TMEM171: variants seen among roughly 807,000 people sequenced by gnomAD.
The protein encoded by TMEM171 is transmembrane protein 171.
In TMEM171, 16 loss-of-function variants were observed where a neutral mutation model predicts 19.1. That is an observed-to-expected ratio of 0.84 (90% CI 0.57 to 1.27). The LOEUF is 1.27. TMEM171 is among the 50% of genes most tolerant of loss of function. The pLI is 0.00. For synonymous variants in TMEM171, 153 were observed against 163.4 expected (o/e 0.94, Z 0.48); for missense variants, 429 against 412.7 (o/e 1.04, Z -0.34).
In TMEM171 at chr5:73,127,885, C is replaced by T. The variant is rs148365161; in HGVS notation, c.641-505C>T. On this transcript the variant is annotated intron_variant, in intron 2 of 3. Coordinates refer to ENST00000454765, the MANE Select transcript of TMEM171 (RefSeq NM_173490.8). Reference sequence around the variant, plus strand: ...CCTTCCGAGTAGCTGGGACTGCAGGCGTGTACTCCCACATCTGGCTAAATT... The same window carrying T: ...CCTTCCGAGTAGCTGGGACTGCAGGTGTGTACTCCCACATCTGGCTAAATT... 1.0e-3 allele frequency among the ~76,000 whole-genome samples: 158 copies of T among 151,606 alleles called. 1 individual carries two copies. Among genetic ancestry groups the T allele is most frequent in the African/African-American group, 3.1e-3 (128 of 41,268 alleles).
At chr5:73,127,174 A>G (rs1453664566) in intron 2 of TMEM171, among the ~76,000 whole-genome samples, 2 of 151,930 alleles carry the variant, frequency 1.3e-5, no homozygotes, top group Non-Finnish European at 2.9e-5. Flanking sequence ...TAACTTGTGA[A>G]TTAAAGTTGT....
intron 2 of TMEM171, among the ~76,000 whole-genome samples, chr5:73,127,380 A>ATATATATATATATATATAT (rs1281485655): frequency 1.6e-4 from 10 of 61,468 alleles, no homozygotes; most frequent in African/African-American, 7.8e-4. Context: ...AAAAAAAAAA[A>ATATATATATATATATATAT]AAAAATATAT....
At chr5:73,131,224 AGTGTGT>A (rs56793908) in intron 3 of TMEM171, among the ~76,000 whole-genome samples, 20 of 149,858 alleles carry the variant, frequency 1.3e-4, no homozygotes, top group African/African-American at 3.4e-4. Flanking sequence ...GAGAACAGTA[AGTGTGT>A]GTGTGTGTGT....
intron 3 of TMEM171, among the ~76,000 whole-genome samples, chr5:73,128,732 G>T (rs1054800020): frequency 7.0e-6 from 1 of 143,422 alleles, no homozygotes; most frequent in Non-Finnish European, 1.5e-5. Context: ...GATCATGCTG[G>T]GTTAATATGA....
chr5:73,128,005 G>C (rs74549425), intron 2 of TMEM171, among the ~76,000 whole-genome samples: 2,260 of 152,152 alleles, frequency 0.015, 55 homozygotes, highest in African/African-American at 0.051. Flanking sequence ...TCAGCTTCCC[G>C]AAGTGGTGGG....
intron 3 of TMEM171, 150 bp from the exon 4 acceptor site, chr5:73,131,388 T>A (rs1744350526): frequency 1.9e-6 from 1 of 533,506 alleles, no homozygotes; most frequent in Non-Finnish European, 3.0e-6. Flanking sequence ...AAAACAAATC[T>A]ATGAAAAGTA....
At position 73,122,180 on chromosome 5, in the gene TMEM171, A is replaced by C. The variant is rs73762268; in HGVS notation, c.-68-1126A>C. 7.4e-3 allele frequency among the ~76,000 whole-genome samples: 1,128 copies of C among 152,258 alleles called. 15 individuals carry two copies. Among genetic ancestry groups the C allele is most frequent in the African/African-American group, 0.026 (1,066 of 41,542 alleles). On this transcript the variant is annotated intron_variant, in intron 1 of 3. Transcript: ENST00000454765. Reference sequence around the variant, plus strand: ...TCCACCCATTTTGTGCTTTATAACTAGCAGTTTTATTGGCTGCTTGTTTTT... The same window carrying C: ...TCCACCCATTTTGTGCTTTATAACTCGCAGTTTTATTGGCTGCTTGTTTTT...
chr5:73,120,713 C>G lies in TMEM171; in HGVS notation c.-69+17C>G, dbSNP rs555278448. Reference sequence around the variant, plus strand: ...CAGCTTCAGGTAAGCTGCCCCGGCCCGCGCGCCTGCGCCGGCGGCGGCGGG... The same window carrying G: ...CAGCTTCAGGTAAGCTGCCCCGGCCGGCGCGCCTGCGCCGGCGGCGGCGGG... On this transcript the variant is annotated intron_variant, in intron 1 of 3. Coordinates refer to ENST00000454765, the MANE Select transcript of TMEM171 (RefSeq NM_173490.8). 5.1e-6 allele frequency: 5 copies of G among 983,648 alleles called. No homozygotes were observed. The highest frequency in any genetic ancestry group is 6.0e-6 in the Non-Finnish European group (5 of 829,314). 60.9% of individuals were successfully genotyped at this position (983,648 alleles called of 1,614,324 possible).
chr5:73,123,981 T>C lies in TMEM171; in HGVS notation c.608T>C (p.Ile203Thr), dbSNP rs775946360. ...QDASEREEGQ[I>T]QIMEPVQVTV... is the part of the protein sequence containing the mutation. ...GCCTCTGAGAGAGAAGAGGGACAGA[T>C]CCAGATTATGGAGCCTGTCCAGGTC... is the stretch of plus-strand genomic sequence containing the variant. The change falls in exon 2 of 4, where the codon ATC (isoleucine) becomes ACC (threonine). Residue 203 changes from isoleucine (I) to threonine (T), a missense_variant. Transcript: ENST00000454765. The C allele has an allele frequency of 3.2e-5, 51 of 1,587,214 alleles. No individual in the cohort carries two copies. In the East Asian group the frequency reaches 1.1e-3, roughly 33 times the overall value.
chr5:73,121,109 G>GGA lies in TMEM171; in HGVS notation c.-69+425_-69+426dup, dbSNP rs72107842. Among the ~76,000 whole-genome samples the GGA allele has an allele frequency of 8.7e-3, 1,320 of 151,996 alleles. 15 individuals carry two copies. The highest frequency in any genetic ancestry group is 0.03 in the African/African-American group (1,245 of 41,458). On this transcript the variant is annotated intron_variant, in intron 1 of 3. Coordinates refer to ENST00000454765, the MANE Select transcript of TMEM171 (RefSeq NM_173490.8). ...GTTTGTGAGTGCATCTGTGGGAGAA[G>GGA]GAGAGAGAGAGAGTATTTCCACACT...
rs1743976560 is a variant in TMEM171, at chr5:73,120,621, C to G, written c.-144C>G. 3 of 984,806 alleles carry G rather than the reference C, an allele frequency of 3.0e-6. No homozygotes were observed. The highest frequency in any genetic ancestry group is 4.7e-5 in the South Asian group (1 of 21,292). The allele number at this position is 984,806 out of a possible 1,614,324, so 61.0% of individuals were successfully genotyped here. On this transcript the variant is annotated 5_prime_UTR_variant, in exon 1 of 4. Transcript: ENST00000454765. ...GCAGGGCGGCCGGCGCAGCCGAGGC[C>G]GCGTGCGGAGGCGGACGCCGCGCCC...
chr5:73,128,498 A>C lies in TMEM171; in HGVS notation c.749A>C (p.Asn250Thr). ...PGTNSLLPNENPPSYYSIFNY... is the reference protein window; with the variant it reads ...PGTNSLLPNETPPSYYSIFNY... ...ACTAACAGTCTGCTTCCGAATGAAA[A>C]CCCCCCTTCATATTACAGTATTTTC... The change falls in exon 3 of 4, where the codon AAC becomes ACC. Residue 250 changes from asparagine (N) to threonine (T), a missense_variant. Transcript: ENST00000454765. 2 of 1,611,384 alleles carry C rather than the reference A, an allele frequency of 1.2e-6. No individual in the cohort carries two copies. Among genetic ancestry groups the C allele is most frequent in the Non-Finnish European group, 1.7e-6 (2 of 1,179,346 alleles).
At chr5:73,121,710 G>A (rs1201782100) in intron 1 of TMEM171, among the ~76,000 whole-genome samples, 2 of 151,482 alleles carry the variant, frequency 1.3e-5, no homozygotes, top group Non-Finnish European at 2.9e-5. Context: ...CTTTTTCCTG[G>A]AAAAGTTTTT....
chr5:73,128,502 C>T lies in TMEM171; in HGVS notation c.753C>T (p.Pro251=), dbSNP rs1561514067. 12 of 1,614,022 alleles carry T rather than the reference C, an allele frequency of 7.4e-6. No homozygotes were observed. Among genetic ancestry groups the T allele is most frequent in the Non-Finnish European group, 1.0e-5 (12 of 1,180,026 alleles). The change falls in exon 3 of 4, where the codon CCC becomes CCT. Residue 251 remains proline, a synonymous_variant. Transcript: ENST00000454765. ...GTNSLLPNEN[P]PSYYSIFNYG... Reference sequence around the variant, plus strand: ...ACAGTCTGCTTCCGAATGAAAACCCCCCTTCATATTACAGTATTTTCAACT... The same window carrying T: ...ACAGTCTGCTTCCGAATGAAAACCCTCCTTCATATTACAGTATTTTCAACT...
rs1255115669 is a variant in TMEM171 at position 73,131,638 on chromosome 5, C to G, written c.883C>G (p.His295Asp). The G allele has an allele frequency of 6.2e-7, 1 of 1,614,050 alleles. No individual in the cohort carries two copies. The highest frequency in any genetic ancestry group is 1.7e-5 in the Admixed American group (1 of 60,004). ...NSSSEASHTP[H>D]LPSELPPRYE... ...ATCTTCTGAGGCCTCACACACTCCACATCTTCCATCTGAATTGCCTCCTAG... is the reference window on the plus strand; with the variant it reads ...ATCTTCTGAGGCCTCACACACTCCAGATCTTCCATCTGAATTGCCTCCTAG... The change falls in exon 4 of 4, where the codon CAT becomes GAT. Residue 295 changes from histidine to aspartate, a missense_variant. His to Asp is a moderately conservative substitution (Grantham distance 81, BLOSUM62 -1). Transcript: ENST00000454765.
At chr5:73,128,342 T>C in intron 2 of TMEM171, 48 bp from the exon 3 acceptor site, 1 of 1,587,712 alleles carries the variant, frequency 6.3e-7, no homozygotes. Context: ...GCTAATTTGC[T>C]TCCATTTATT....
At position 73,128,486 on chromosome 5, in the gene TMEM171, T is replaced by C. The variant is rs141608718; in HGVS notation, c.737T>C (p.Leu246Pro). The C allele has an allele frequency of 2.3e-5, 37 of 1,614,200 alleles. No individual in the cohort carries two copies. The African/African-American group carries it at 4.7e-4, about 20-fold the overall frequency. Residue 246 changes from leucine (L) to proline (P), a missense_variant, in exon 3 of 4, where the codon CTT becomes CCT. Coordinates refer to ENST00000454765, the MANE Select transcript of TMEM171 (RefSeq NM_173490.8). The stretch of plus-strand genomic sequence containing the variant: ...GAGAGTCCTGGAACTAACAGTCTGC[T>C]TCCGAATGAAAACCCCCCTTCATAT... Reference protein sequence around the residue: ...VAESPGTNSLLPNENPPSYYS... With the variant: ...VAESPGTNSLPPNENPPSYYS...
At chr5:73,129,157 A>G (rs979060705) in intron 3 of TMEM171, among the ~76,000 whole-genome samples, 1 of 152,204 alleles carries the variant, frequency 6.6e-6, no homozygotes, top group African/African-American at 2.4e-5. Context: ...TTGAAAATGG[A>G]AGTACACTCC....
intron 2 of TMEM171, among the ~76,000 whole-genome samples, chr5:73,126,198 C>T (rs1409986162): frequency 2.0e-4 from 30 of 152,108 alleles, no homozygotes; most frequent in Non-Finnish European, 4.4e-5. Context: ...ATTGGCCTGC[C>T]CTCAAGGGTT....
Sources: allele counts gnomAD v4.1 joint callset (sites outside exome capture counted in the v4.1 genomes callset), GRCh38; gene constraint gnomAD v4.1.1; transcripts MANE v1.5; gene names NCBI Gene and HGNC (gene_info 2026-07-23, HGNC 2026-07-21).